Variants in LRP1B observed in about 807,000 individuals in gnomAD.
LRP1B encodes the protein LDL receptor related protein 1B.
In LRP1B, 217 loss-of-function variants were observed where a neutral mutation model predicts 556.6. The ratio of observed to expected loss-of-function variants is 0.39; its 90% CI spans 0.35 to 0.44. LRP1B has a LOEUF of 0.44. Among genes scored for constraint, LRP1B ranks in the 20% least tolerant of loss-of-function variants. The pLI is 1.00. For synonymous variants in LRP1B, 2,047 were observed against 1,865.8 expected, an observed-to-expected ratio of 1.10 and a Z score of -2.50; for missense variants, 5,053 against 5,620.8, an observed-to-expected ratio of 0.90 and a Z score of 3.23.
chr2:140,679,531 G>A (rs543768596), intron 41 of LRP1B, among the ~76,000 whole-genome samples: 19 of 152,192 alleles, frequency 1.2e-4, no homozygotes, highest in East Asian at 1.2e-3. Flanking sequence ...AGTACGTAGC[G>A]AATGAAGTTA....
At chr2:141,650,973 G>A (rs1291713704) in intron 2 of LRP1B, among the ~76,000 whole-genome samples, 2 of 152,136 alleles carry the variant, frequency 1.3e-5, no homozygotes, top group Non-Finnish European at 2.9e-5. Flanking sequence ...TTGTTTAAGA[G>A]GTAGGCACCT....
intron 3 of LRP1B, among the ~76,000 whole-genome samples, chr2:141,341,526 A>G (rs547643132): frequency 5.9e-4 from 89 of 152,002 alleles, no homozygotes; most frequent in Non-Finnish European, 1.0e-3. Flanking sequence ...TTTATTTTCA[A>G]TTTAATACAC....
chr2:141,641,295 T>C (rs899869336), intron 2 of LRP1B, among the ~76,000 whole-genome samples: 11 of 152,186 alleles, frequency 7.2e-5, no homozygotes, highest in African/African-American at 2.7e-4. Context: ...TTTTTAAACA[T>C]ATGCATTCAA....
chr2:142,026,390 T>C (rs1703502813), intron 1 of LRP1B, among the ~76,000 whole-genome samples: 1 of 152,126 alleles, frequency 6.6e-6, no homozygotes, highest in Non-Finnish European at 1.5e-5. Context: ...GGATCATTCC[T>C]GCGACCAGCC....
chr2:142,033,018 GT>G (rs1288971177), intron 1 of LRP1B, among the ~76,000 whole-genome samples: 3 of 151,804 alleles, frequency 2.0e-5, no homozygotes, highest in Admixed American at 6.6e-5. Flanking sequence ...CGCCACTTTA[GT>G]TTTTTTCTAC....
intron 2 of LRP1B, among the ~76,000 whole-genome samples, chr2:141,771,723 T>C (rs1433867350): frequency 6.6e-6 from 1 of 152,178 alleles, no homozygotes; most frequent in Non-Finnish European, 1.5e-5. Context: ...AAGATAAGTA[T>C]GTGATAAGTG....
At chr2:141,291,877 A>AAAAAAAAAAAC (rs1685976782) in intron 3 of LRP1B, among the ~76,000 whole-genome samples, 1 of 80,494 alleles carries the variant, frequency 1.2e-5, no homozygotes, top group Non-Finnish European at 3.0e-5. Flanking sequence ...AAAAAAAAAA[A>AAAAAAAAAAAC]AAAAAAAAAA....
At chr2:141,087,166 C>T (rs865830797) in intron 7 of LRP1B, among the ~76,000 whole-genome samples, 1 of 139,928 alleles carries the variant, frequency 7.1e-6, no homozygotes, top group East Asian at 2.1e-4. Context: ...AGACTGAAGT[C>T]TATTCATTCA....
intron 31 of LRP1B, among the ~76,000 whole-genome samples, chr2:140,814,203 C>T (rs1691027025): frequency 1.3e-5 from 2 of 152,050 alleles, no homozygotes; most frequent in Admixed American, 1.3e-4. Context: ...GTCTTGAACT[C>T]CTGGGCTCAA....
chr2:141,661,049 C>T (rs749999436), intron 2 of LRP1B, among the ~76,000 whole-genome samples: 5 of 152,038 alleles, frequency 3.3e-5, no homozygotes, highest in African/African-American at 9.7e-5. Context: ...GATCTGGAGT[C>T]GGGGACCACC....
chr2:141,921,245 T>A (rs902922264), intron 1 of LRP1B, among the ~76,000 whole-genome samples: 2 of 152,064 alleles, frequency 1.3e-5, no homozygotes, highest in African/African-American at 2.4e-5. Flanking sequence ...ATATTTTGAG[T>A]AATTCACACT....
In LRP1B at chr2:142,107,491, C is replaced by T. The variant is rs79565485; in HGVS notation, c.82+23157G>A. Among the ~76,000 whole-genome samples the T allele has an allele frequency of 8.8e-3, 1,333 of 152,304 alleles. 21 individuals carry two copies. Among genetic ancestry groups the T allele is most frequent in the African/African-American group, 0.03 (1,265 of 41,576 alleles). On this transcript the variant is annotated intron_variant, in intron 1 of 90. Transcript: ENST00000389484. ...CAGATGCTGACACCTTAATATTGGA[C>T]ATCCAAGCCTCCAGAAATTATCTGT...
intron 2 of LRP1B, among the ~76,000 whole-genome samples, chr2:141,606,595 T>A (rs147251412): frequency 7.2e-4 from 110 of 152,306 alleles, no homozygotes; most frequent in African/African-American, 2.6e-3. Context: ...GCCTTTAGCA[T>A]GGGCCTTAAT....
intron 7 of LRP1B, among the ~76,000 whole-genome samples, chr2:141,128,708 C>G (rs555073966): frequency 1.3e-5 from 2 of 152,296 alleles, no homozygotes; most frequent in South Asian, 2.1e-4. Flanking sequence ...ACAACCTCCA[C>G]CTCCTGGGTT....
intron 48 of LRP1B, 104 bp from the exon 49 acceptor site, chr2:140,526,097 A>C: frequency 7.3e-7 from 1 of 1,368,052 alleles, no homozygotes; most frequent in Non-Finnish European, 1.0e-6. Context: ...ATTTGAGGAA[A>C]TAGATACGTA....
intron 7 of LRP1B, among the ~76,000 whole-genome samples, chr2:141,161,904 G>A (rs967319650): frequency 6.6e-6 from 1 of 152,092 alleles, no homozygotes; most frequent in Non-Finnish European, 1.5e-5. Context: ...AGTTCTTGCT[G>A]GGAGCTGTAT....
chr2:141,665,479 G>T (rs1331382433), intron 2 of LRP1B, among the ~76,000 whole-genome samples: 1 of 152,016 alleles, frequency 6.6e-6, no homozygotes, highest in Admixed American at 6.6e-5. Flanking sequence ...ACACTGTTGG[G>T]AATGTAAATT....
intron 62 of LRP1B, among the ~76,000 whole-genome samples, chr2:140,450,972 C>T (rs1046178118): frequency 3.3e-5 from 5 of 152,180 alleles, no homozygotes; most frequent in Admixed American, 2.6e-4. Context: ...GATAGGGTCT[C>T]GCTCTGTCGC....
chr2:141,467,280 G>A (rs141054705), intron 3 of LRP1B, among the ~76,000 whole-genome samples: 38 of 151,716 alleles, frequency 2.5e-4, no homozygotes, highest in African/African-American at 8.3e-4. Flanking sequence ...AGTAAGTACC[G>A]ATGGTTTATA....
Sources: gnomAD v4.1 joint callset for allele counts (sites outside exome capture counted in the v4.1 genomes callset) on GRCh38, gnomAD v4.1.1 for gene constraint, MANE v1.5 for transcripts, NCBI Gene and HGNC (gene_info 2026-07-23, HGNC 2026-07-21) for gene names.